Variants in TPGS2 observed in about 807,000 individuals in gnomAD.
TPGS2 encodes tubulin polyglutamylase complex subunit 2, also known as polyglutamylase subunit 2.
In TPGS2, 26 loss-of-function variants were observed where a neutral mutation model predicts 31.1. That is an observed-to-expected ratio of 0.84 (90% CI 0.61 to 1.16). The LOEUF (loss-of-function observed/expected upper bound fraction) is 1.16, where lower values mean the gene tolerates loss of function less well. TPGS2 is among the 50% of genes most tolerant of loss of function. The probability of loss-of-function intolerance (pLI) is 0.00; values close to 1 mark genes in which losing one functional copy is unlikely to be tolerated. For synonymous variants in TPGS2, 130 were observed against 136.6 expected (o/e 0.95, Z 0.34); for missense variants, 351 against 363.8 (o/e 0.96, Z 0.29).
downstream of TPGS2, among the ~76,000 whole-genome samples, chr18:36,793,663 T>C (rs551441110): frequency 3.3e-5 from 5 of 152,230 alleles, no homozygotes; most frequent in Non-Finnish European, 5.9e-5. Flanking sequence ...GCATACAGTA[T>C]GTAAACATAA....
At chr18:36,783,034 C>T (rs193184845) in exon 7 of TPGS2, 34 of 398,470 alleles carry the variant, frequency 8.5e-5, no homozygotes, top group African/African-American at 1.2e-4. Flanking sequence ...CAGTGAGTCC[C>T]GGGAGCTCTA....
At chr18:36,822,164 T>C (rs1189836762) in intron 1 of TPGS2, among the ~76,000 whole-genome samples, 1 of 152,220 alleles carries the variant, frequency 6.6e-6, no homozygotes, top group Non-Finnish European at 1.5e-5. Context: ...ACTGGTTGTT[T>C]TGCCAACGTG....
downstream of TPGS2, among the ~76,000 whole-genome samples, chr18:36,791,785 A>C (rs2044318495): frequency 6.6e-6 from 1 of 152,102 alleles, no homozygotes; most frequent in East Asian, 1.9e-4. Flanking sequence ...TAATCCCAGC[A>C]CTTTGGGAGG....
At chr18:36,782,942 G>A (rs753507979), downstream of TPGS2, 4 of 395,788 alleles carry the variant, frequency 1.0e-5, no homozygotes, top group Non-Finnish European at 1.8e-5. Flanking sequence ...ATGCCTGCCA[G>A]CTCAGTGGCA....
intron 2 of TPGS2, chr18:36,817,814 T>G (rs2045723459): frequency 6.6e-6 from 1 of 152,220 alleles, no homozygotes; most frequent in Non-Finnish European, 1.5e-5. Flanking sequence ...AGGGTTATTA[T>G]TCATTTAGTA....
rs984567754 is a variant in TPGS2 at position 36,795,341 on chromosome 18, G to C, written c.*1464C>G. On this transcript the variant is annotated 3_prime_UTR_variant, in exon 7 of 7. Transcript: ENST00000334295. ...GTCTGGCCAATCACCGGGGTAGAGAGAAGTCAGGAAAGAGAATGAGCCAGC... is the reference window on the plus strand; with the variant it reads ...GTCTGGCCAATCACCGGGGTAGAGACAAGTCAGGAAAGAGAATGAGCCAGC... The C allele has an allele frequency of 1.6e-5, 16 of 985,436 alleles. No homozygotes were observed. In the African/African-American group the frequency reaches 2.8e-4, roughly 17 times the overall value. The allele number at this position is 985,436 out of a possible 1,614,324, so 61.0% of individuals were successfully genotyped here. A position where few individuals can be genotyped will look rare whatever the true frequency, so the allele number is the denominator to read the frequency against.
intron 2 of TPGS2, 127 bp from the exon 3 acceptor site, chr18:36,808,061 C>T: frequency 1.1e-6 from 1 of 875,972 alleles, no homozygotes; most frequent in Non-Finnish European, 1.8e-6. Flanking sequence ...CTGATAGTCA[C>T]CTACAAAACT....
chr18:36,788,439 AAAG>A (rs1157010645), intron 6 of TPGS2, among the ~76,000 whole-genome samples: 54 of 152,312 alleles, frequency 3.5e-4, no homozygotes, highest in Non-Finnish European at 6.6e-4. Context: ...TTTTCAAAAT[AAAG>A]TTGAAAAGTA....
At chr18:36,810,501 G>C (rs1163605793) in intron 2 of TPGS2, among the ~76,000 whole-genome samples, 2 of 152,106 alleles carry the variant, frequency 1.3e-5, no homozygotes, top group Non-Finnish European at 2.9e-5. Context: ...TATATTTTGG[G>C]GGGTGTGATA....
intron 1 of TPGS2, among the ~76,000 whole-genome samples, chr18:36,826,099 G>A (rs1462046071): frequency 1.3e-5 from 2 of 152,062 alleles, no homozygotes; most frequent in African/African-American, 2.4e-5. Context: ...GTGCTGTGGT[G>A]TGATCACAGG....
downstream of TPGS2, among the ~76,000 whole-genome samples, chr18:36,782,354 C>A (rs766449130): frequency 2.6e-5 from 4 of 152,150 alleles, no homozygotes; most frequent in Non-Finnish European, 4.4e-5. Context: ...AGTGCCACTG[C>A]AGTATGAGAA....
intron 1 of TPGS2, 58 bp downstream of exon 1, chr18:36,828,625 C>T: frequency 6.3e-7 from 1 of 1,594,958 alleles, no homozygotes; most frequent in South Asian, 1.1e-5. Flanking sequence ...CACCTCATCC[C>T]TCCGCTCCTC....
Position 36,823,749 on chromosome 18 carries a change from C to T in TPGS2, c.86-4776G>A, listed in dbSNP as rs111799022. On this transcript the variant is annotated intron_variant, in intron 1 of 6. Transcript: ENST00000334295. The stretch of plus-strand genomic sequence containing the variant: ...TGCTGGGATTACAGGCGTGAGCCAC[C>T]GCGCCCGGCCAACAGCTTGTTTTAA... The T allele has an allele frequency of 1.2e-3, 1,021 of 878,044 alleles. 12 individuals carry two copies. In the African/African-American group the frequency reaches 0.017, roughly 15 times the overall value. The allele number at this position is 878,044 out of a possible 1,614,324, so 54.4% of individuals were successfully genotyped here.
intron 1 of TPGS2, among the ~76,000 whole-genome samples, chr18:36,824,152 TCTCA>T (rs778596677): frequency 1.5e-3 from 231 of 152,356 alleles, no homozygotes; most frequent in Admixed American, 5.5e-3. Flanking sequence ...AACTGGCTTC[TCTCA>T]CTTTCATTTC....
rs1259411328 is a variant in TPGS2 at position 36,798,754 on chromosome 18, C to G, written c.497-145G>C. The G allele has an allele frequency of 3.1e-6, 4 of 1,304,720 alleles. No homozygotes were observed. The Admixed American group carries it at 1.1e-4, about 37-fold the overall frequency. The allele number at this position is 1,304,720 out of a possible 1,614,324, so 80.8% of individuals were successfully genotyped here. ...GTAAAGTAAAAGTTCCCCTTCTGCC[C>G]CACTTCTAACCCTCCAGTCTCCTTC... On this transcript the variant is annotated intron_variant, in intron 5 of 6. Coordinates refer to ENST00000334295, the MANE Select transcript of TPGS2 (RefSeq NM_015476.4).
At chr18:36,823,741 T>A in intron 1 of TPGS2, 1 of 791,322 alleles carries the variant, frequency 1.3e-6, no homozygotes, top group Non-Finnish European at 1.5e-6. Context: ...ATTACAGGCG[T>A]GAGCCACCGC....
At position 36,827,388 on chromosome 18, in the gene TPGS2, A is replaced by T. The variant is rs184405543; in HGVS notation, c.85+1295T>A. Reference sequence around the variant, plus strand: ...ATTCAGGGAAGGTTTCTCTGAAATAATGACATTTGATCAGAGATCTGAATG... The same window carrying T: ...ATTCAGGGAAGGTTTCTCTGAAATATTGACATTTGATCAGAGATCTGAATG... On this transcript the variant is annotated intron_variant, in intron 1 of 6. Coordinates refer to ENST00000334295, the MANE Select transcript of TPGS2 (RefSeq NM_015476.4). 3.6e-3 allele frequency among the ~76,000 whole-genome samples: 552 copies of T among 152,388 alleles called. 3 individuals carry two copies. Among genetic ancestry groups the T allele is most frequent in the Non-Finnish European group, 6.1e-3 (414 of 68,042 alleles).
chr18:36,810,811 A>G (rs913852995), intron 2 of TPGS2, among the ~76,000 whole-genome samples: 1 of 152,164 alleles, frequency 6.6e-6, no homozygotes, highest in African/African-American at 2.4e-5. Context: ...GAAGGACCTG[A>G]GCCACTTTTT....
chr18:36,798,400 A>G, intron 6 of TPGS2, 49 bp downstream of exon 6: 2 of 1,610,748 alleles, frequency 1.2e-6, no homozygotes, highest in Non-Finnish European at 1.7e-6. Flanking sequence ...TTTCCTCAGT[A>G]GATTTTGGAA....
Sources: allele counts gnomAD v4.1 joint callset (sites outside exome capture counted in the v4.1 genomes callset), GRCh38; gene constraint gnomAD v4.1.1; transcripts MANE v1.5; gene names NCBI Gene and HGNC (gene_info 2026-07-23, HGNC 2026-07-21).